Variants in WASF2 observed in about 807,000 individuals in gnomAD.
WASF2 encodes actin-binding protein WASF2.
In WASF2, 14 loss-of-function variants were observed where a neutral mutation model predicts 45.0. The ratio of observed to expected loss-of-function variants is 0.31; its 90% CI spans 0.21 to 0.49. The LOEUF is 0.49. Among genes scored for constraint, WASF2 ranks in the 20% least tolerant of loss-of-function variants. The pLI is 0.99. For synonymous variants in WASF2, 200 were observed against 236.3 expected, an observed-to-expected ratio of 0.85 and a Z score of 1.41; for missense variants, 439 against 636.1, an observed-to-expected ratio of 0.69 and a Z score of 3.33.
chr1:27,445,329 C>T (rs1014129144), intron 1 of WASF2, among the ~76,000 whole-genome samples: 16 of 152,178 alleles, frequency 1.1e-4, no homozygotes, highest in African/African-American at 3.4e-4. Flanking sequence ...GTCACACAGA[C>T]AGACAGCTTT....
intron 1 of WASF2, among the ~76,000 whole-genome samples, chr1:27,449,559 A>G (rs1253818142): frequency 6.6e-6 from 1 of 151,912 alleles, no homozygotes; most frequent in Non-Finnish European, 1.5e-5. Context: ...AGATCGGGCC[A>G]TTGCACTGCA....
intron 1 of WASF2, among the ~76,000 whole-genome samples, chr1:27,446,972 C>G (rs2017319130): frequency 6.6e-6 from 1 of 152,022 alleles, no homozygotes; most frequent in Non-Finnish European, 1.5e-5. Flanking sequence ...CTGGTTCTTC[C>G]ATTTTTATTT....
intron 1 of WASF2, among the ~76,000 whole-genome samples, chr1:27,480,558 G>A (rs2148144662): frequency 6.6e-6 from 1 of 151,698 alleles, no homozygotes; most frequent in South Asian, 2.1e-4. Context: ...TAATAAAATA[G>A]AAATAAACTG....
At chr1:27,428,062 A>G (rs2017011864) in intron 2 of WASF2, among the ~76,000 whole-genome samples, 1 of 152,180 alleles carries the variant, frequency 6.6e-6, no homozygotes, top group African/African-American at 2.4e-5. Flanking sequence ...GCTTTCCTTC[A>G]GCTCCAAAAC....
Position 27,418,554 on chromosome 1 carries a change from C to T in WASF2, c.266-132G>A, listed in dbSNP as rs986594299. 3 of 1,275,734 alleles carry T rather than the reference C, an allele frequency of 2.4e-6. No individual in the cohort carries two copies. In the South Asian group the frequency reaches 4.4e-5, roughly 19 times the overall value. The allele number at this position is 1,275,734 out of a possible 1,614,324, so 79.0% of individuals were successfully genotyped here. On this transcript the variant is annotated intron_variant, in intron 3 of 8. Coordinates refer to ENST00000618852, the MANE Select transcript of WASF2 (RefSeq NM_006990.5). Reference sequence around the variant, plus strand: ...TGTCCGCAGCCAGGCTTTTTTTTTCCCTCCCCCTCTGGGGAAGCCCCACAA... The same window carrying T: ...TGTCCGCAGCCAGGCTTTTTTTTTCTCTCCCCCTCTGGGGAAGCCCCACAA...
At chr1:27,430,661 C>T (rs985061991) in intron 1 of WASF2, among the ~76,000 whole-genome samples, 20 of 152,072 alleles carry the variant, frequency 1.3e-4, no homozygotes, top group African/African-American at 2.4e-4. Flanking sequence ...TTTTTTGAGA[C>T]GGGGTCTCAC....
intron 1 of WASF2, among the ~76,000 whole-genome samples, chr1:27,429,306 T>C (rs1334652447): frequency 2.0e-5 from 3 of 152,148 alleles, no homozygotes; most frequent in Non-Finnish European, 4.4e-5. Context: ...GTACAGATCC[T>C]ATCCCTGGGG....
chr1:27,434,259 GT>G (rs998142237), intron 1 of WASF2, among the ~76,000 whole-genome samples: 3 of 152,180 alleles, frequency 2.0e-5, no homozygotes, highest in Non-Finnish European at 4.4e-5. Flanking sequence ...TTATGAAGGT[GT>G]TGGAAAGTCA....
intron 1 of WASF2, among the ~76,000 whole-genome samples, chr1:27,445,181 A>G (rs752413237): frequency 6.6e-6 from 1 of 152,248 alleles, no homozygotes; most frequent in Non-Finnish European, 1.5e-5. Context: ...AATACCTGTT[A>G]AATTCCTAAA....
chr1:27,415,106 G>T, intron 5 of WASF2, 143 bp from the exon 6 acceptor site: 1 of 1,139,530 alleles, frequency 8.8e-7, no homozygotes, highest in African/African-American at 1.6e-5. Context: ...AGAATTACTG[G>T]GTTTGAAGTG....
intron 1 of WASF2, among the ~76,000 whole-genome samples, chr1:27,444,424 C>T (rs1234435464): frequency 6.6e-6 from 1 of 152,132 alleles, no homozygotes; most frequent in East Asian, 1.9e-4. Context: ...TGTAAGCATT[C>T]CAGAGGGGTA....
In WASF2 at chr1:27,410,198, A is replaced by T. The variant is rs200239381; in HGVS notation, c.833T>A (p.Val278Glu). The T allele has an allele frequency of 5.7e-4, 924 of 1,614,114 alleles. 11 individuals carry two copies. The South Asian group carries it at 9.7e-3, about 17-fold the overall frequency. The change falls in exon 8 of 9, where the codon GTG becomes GAG. Residue 278 changes from valine (V) to glutamate (E), a missense_variant. By Grantham distance (121) the Val-to-Glu change is moderately radical. Transcript: ENST00000618852. This position sits in a 1 kb window ranked among gnomAD's most constrained non-coding sequence, Gnocchi z 4.2. ...PPPPAEFSYP[V>E]DNQRGSGLAG... ...CAAACCAGATCCTCTTTGGTTGTCC[A>T]CTGGGTAACTAAAAGGCCAAAGAAA...
intron 1 of WASF2, among the ~76,000 whole-genome samples, chr1:27,465,137 T>A (rs745555552): frequency 2.0e-4 from 30 of 152,248 alleles, no homozygotes; most frequent in Non-Finnish European, 3.5e-4. Context: ...TCTTTACTTC[T>A]CAAATATCTT....
intron 8 of WASF2, among the ~76,000 whole-genome samples, chr1:27,409,428 C>CAAAAAAAAAAAAAAA (rs60940665): frequency 9.2e-5 from 4 of 43,692 alleles, no homozygotes; most frequent in Non-Finnish European, 1.8e-4. Context: ...CTGTCCCCCA[C>CAAAAAAAAAAAAAAA]AAAAAAAAAA....
chr1:27,418,257 G>C lies in WASF2; in HGVS notation c.419+12C>G, dbSNP rs755639518. 11 of 1,609,576 alleles carry C rather than the reference G, an allele frequency of 6.8e-6. No individual in the cohort carries two copies. The highest frequency in any genetic ancestry group is 8.5e-6 in the Non-Finnish European group (10 of 1,178,264). ...CATAGGTTGAAAAAGGGAGGAACTA[G>C]CCAGCCATTACCTGTAAGGGGTAAG... On this transcript the variant is annotated intron_variant, in intron 4 of 8. Coordinates refer to ENST00000618852, the MANE Select transcript of WASF2 (RefSeq NM_006990.5).
intron 1 of WASF2, among the ~76,000 whole-genome samples, chr1:27,487,414 A>G (rs1215744274): frequency 7.7e-6 from 1 of 130,010 alleles, no homozygotes; most frequent in Non-Finnish European, 1.6e-5. Context: ...TATATATTTT[A>G]TATAAATATA....
At chr1:27,426,354 C>T (rs1246490590) in intron 2 of WASF2, among the ~76,000 whole-genome samples, 1 of 151,986 alleles carries the variant, frequency 6.6e-6, no homozygotes, top group Non-Finnish European at 1.5e-5. Context: ...TAGAGGGAGG[C>T]TTGGGTAATA....
At chr1:27,483,081 T>TC (rs1415228045) in intron 1 of WASF2, among the ~76,000 whole-genome samples, 2 of 152,184 alleles carry the variant, frequency 1.3e-5, no homozygotes, top group South Asian at 2.1e-4. Flanking sequence ...ACGCCTGTAA[T>TC]CCCAGTACTT....
chr1:27,434,673 A>T (rs540387155), intron 1 of WASF2, among the ~76,000 whole-genome samples: 1 of 152,204 alleles, frequency 6.6e-6, no homozygotes, highest in African/African-American at 2.4e-5. Flanking sequence ...AAAAAATTTC[A>T]AAGAAAAACT....
Sources: gnomAD v4.1 joint callset for allele counts (sites outside exome capture counted in the v4.1 genomes callset) on GRCh38, gnomAD v4.1.1 for gene constraint, Gnocchi (gnomAD v3.1) non-coding constraint, MANE v1.5 for transcripts, NCBI Gene and HGNC (gene_info 2026-07-23, HGNC 2026-07-21) for gene names.